The following KCNH7 variants were observed in gnomAD, a reference collection of about 807,000 sequenced individuals.
The protein encoded by KCNH7 is voltage-gated inwardly rectifying potassium channel KCNH7.
KCNH7 carries 49 observed loss-of-function variants against 120.8 expected under a neutral mutation model. The ratio of observed to expected loss-of-function variants is 0.41; its 90% CI spans 0.32 to 0.51. The LOEUF is 0.51. Ranked by LOEUF, KCNH7 falls within the 20% of genes least tolerant of loss-of-function variation. The pLI is 0.38. For missense variants in KCNH7, 1,097 were observed against 1,446.6 expected, an observed-to-expected ratio of 0.76 and a Z score of 3.92; for synonymous variants, 547 against 516.1, an observed-to-expected ratio of 1.06 and a Z score of -0.81.
At chr2:162,642,058 A>G (rs1684175372) in intron 2 of KCNH7, among the ~76,000 whole-genome samples, 1 of 152,142 alleles carries the variant, frequency 6.6e-6, no homozygotes, top group Admixed American at 6.6e-5. Context: ...AAATGAAACT[A>G]AAGACTCTTC....
chr2:162,477,795 T>C (rs1461685920), intron 6 of KCNH7, among the ~76,000 whole-genome samples: 1 of 151,168 alleles, frequency 6.6e-6, no homozygotes, highest in Non-Finnish European at 1.5e-5. Context: ...CATTTTTCTA[T>C]ATAGCCTTCT....
chr2:162,752,902 G>GAAAAA lies in KCNH7; in HGVS notation c.307+83630_307+83634dup, dbSNP rs140501872. Among the ~76,000 whole-genome samples the GAAAAA allele has an allele frequency of 5.2e-3, 319 of 61,264 alleles. 28 individuals carry two copies. Among genetic ancestry groups the GAAAAA allele is most frequent in the Middle Eastern group, 0.012 (2 of 162 alleles). 40.2% of individuals were successfully genotyped at this position (61,264 alleles called of 152,430 possible). Reference sequence around the variant, plus strand: ...GGCAAAAGAGCAAGACTACATCTCAGAAAAAGAAAAGAAAAGAAAAGAAAA... The same window carrying GAAAAA: ...GGCAAAAGAGCAAGACTACATCTCAGAAAAAAAAAAGAAAAGAAAAGAAAAGAAAA... On this transcript the variant is annotated intron_variant, in intron 2 of 15. Coordinates refer to ENST00000332142, the MANE Select transcript of KCNH7 (RefSeq NM_033272.4).
intron 6 of KCNH7, among the ~76,000 whole-genome samples, chr2:162,482,330 G>A (rs1400605895): frequency 6.6e-6 from 1 of 152,200 alleles, no homozygotes; most frequent in Non-Finnish European, 1.5e-5. Flanking sequence ...GACCAGAGCA[G>A]ATGTGATGTG....
At chr2:162,516,792 A>T (rs1691312032) in intron 4 of KCNH7, among the ~76,000 whole-genome samples, 1 of 151,726 alleles carries the variant, frequency 6.6e-6, no homozygotes, top group Non-Finnish European at 1.5e-5. Context: ...AAAAGATTGC[A>T]TGGATTTGAT....
At chr2:162,535,177 G>A (rs964216078) in intron 3 of KCNH7, among the ~76,000 whole-genome samples, 2 of 151,688 alleles carry the variant, frequency 1.3e-5, no homozygotes, top group Non-Finnish European at 3.0e-5. Flanking sequence ...AACAATCAGA[G>A]CCAGGGCGTA....
intron 2 of KCNH7, among the ~76,000 whole-genome samples, chr2:162,832,599 G>A (rs1028652464): frequency 3.9e-5 from 6 of 151,998 alleles, no homozygotes; most frequent in Non-Finnish European, 7.4e-5. Flanking sequence ...CTGAGATTTA[G>A]AGGATGGAAA....
At chr2:162,504,348 T>G in intron 6 of KCNH7, 95 bp downstream of exon 6, 1 of 913,078 alleles carries the variant, frequency 1.1e-6, no homozygotes, top group Non-Finnish European at 1.7e-6. Flanking sequence ...ATGTCTTACC[T>G]CTACCGACAG....
At chr2:162,387,786 C>T (rs1023455562) in intron 12 of KCNH7, among the ~76,000 whole-genome samples, 7 of 151,690 alleles carry the variant, frequency 4.6e-5, no homozygotes, top group East Asian at 3.9e-4. Context: ...AATAAGTGTC[C>T]TAATGGAACG....
chr2:162,808,809 C>T (rs1386919144), intron 2 of KCNH7, among the ~76,000 whole-genome samples: 3 of 152,020 alleles, frequency 2.0e-5, no homozygotes, highest in African/African-American at 7.2e-5. Flanking sequence ...AGTTTTCAGT[C>T]TCTAAATACA....
At chr2:162,605,620 CTT>C (rs1239142797) in intron 2 of KCNH7, among the ~76,000 whole-genome samples, 1 of 152,050 alleles carries the variant, frequency 6.6e-6, no homozygotes, top group African/African-American at 2.4e-5. Context: ...TTTTGAAAGA[CTT>C]TTCTTGTTTT....
At chr2:162,758,388 T>C (rs1181947267) in intron 2 of KCNH7, among the ~76,000 whole-genome samples, 1 of 152,130 alleles carries the variant, frequency 6.6e-6, no homozygotes, top group African/African-American at 2.4e-5. Flanking sequence ...CCAAAAATGT[T>C]GAAGAAATTC....
At chr2:162,385,331 T>G (rs1481158333) in intron 12 of KCNH7, among the ~76,000 whole-genome samples, 2 of 151,942 alleles carry the variant, frequency 1.3e-5, no homozygotes, top group African/African-American at 4.8e-5. Context: ...TTGTTTATTT[T>G]TAATCTACAT....
intron 2 of KCNH7, among the ~76,000 whole-genome samples, chr2:162,817,466 G>A (rs1343105902): frequency 1.3e-5 from 2 of 152,008 alleles, no homozygotes; most frequent in Non-Finnish European, 1.5e-5. Flanking sequence ...TTAACCTGCT[G>A]ATGATAGACT....
At chr2:162,577,598 C>T (rs1470390333) in intron 2 of KCNH7, among the ~76,000 whole-genome samples, 1 of 151,946 alleles carries the variant, frequency 6.6e-6, no homozygotes, top group Non-Finnish European at 1.5e-5. Flanking sequence ...TCTTCTGCAA[C>T]TTTAGCCAAG....
intron 2 of KCNH7, among the ~76,000 whole-genome samples, chr2:162,816,144 C>G (rs7604889): frequency 0.57 from 85,863 of 151,010 alleles, 25,992 homozygotes; most frequent in South Asian, 0.83. Context: ...GTAATCCCAG[C>G]TACTCAGGAG....
intron 2 of KCNH7, among the ~76,000 whole-genome samples, chr2:162,754,031 A>C (rs963030678): frequency 5.3e-5 from 8 of 152,118 alleles, no homozygotes; most frequent in Non-Finnish European, 1.2e-4. Flanking sequence ...AACAAGATAA[A>C]ACACTATCCA....
intron 2 of KCNH7, among the ~76,000 whole-genome samples, chr2:162,659,272 A>AT (rs1209384782): frequency 6.7e-6 from 1 of 150,130 alleles, no homozygotes; most frequent in Non-Finnish European, 1.5e-5. Context: ...CCATTAATTG[A>AT]TTTTCAAATG....
intron 4 of KCNH7, among the ~76,000 whole-genome samples, chr2:162,515,529 G>T (rs16846823): frequency 1.3e-5 from 2 of 151,654 alleles, no homozygotes; most frequent in African/African-American, 4.8e-5. Flanking sequence ...GATCTCTCTA[G>T]GGAATCTCTG....
At chr2:162,673,896 TA>T (rs761301462) in intron 2 of KCNH7, among the ~76,000 whole-genome samples, 4 of 151,962 alleles carry the variant, frequency 2.6e-5, no homozygotes, top group Non-Finnish European at 4.4e-5. Flanking sequence ...GAAAATTCCT[TA>T]ATGCTATCTG....
Sources: gnomAD v4.1 joint callset for allele counts (sites outside exome capture counted in the v4.1 genomes callset) on GRCh38, gnomAD v4.1.1 for gene constraint, MANE v1.5 for transcripts, NCBI Gene and HGNC (gene_info 2026-07-23, HGNC 2026-07-21) for gene names.